Variants in NALF1 observed in about 807,000 individuals in gnomAD.
NALF1 encodes the protein NALCN channel auxiliary factor 1.
In NALF1, 3 loss-of-function variants were observed where a neutral mutation model predicts 48.4. The observed-to-expected ratio is 0.06, with a 90% CI of 0.03 to 0.16. NALF1 has a LOEUF of 0.16. NALF1 is among the 10% of genes least tolerant of loss of function. The probability of loss-of-function intolerance (pLI) is 1.00; values close to 1 mark genes in which losing one functional copy is unlikely to be tolerated. For synonymous variants in NALF1, 262 were observed against 245.7 expected (o/e 1.07, Z -0.62); for missense variants, 526 against 571.5 (o/e 0.92, Z 0.81).
At chr13:107,560,605 C>T (rs116116160) in intron 1 of NALF1, among the ~76,000 whole-genome samples, 337 of 152,150 alleles carry the variant, frequency 2.2e-3, no homozygotes, top group African/African-American at 7.6e-3. Flanking sequence ...TTCACCAAAA[C>T]TATGTCATTA....
At chr13:107,452,427 G>A (rs1380094254) in intron 1 of NALF1, among the ~76,000 whole-genome samples, 3 of 152,166 alleles carry the variant, frequency 2.0e-5, no homozygotes, top group Admixed American at 6.5e-5. Context: ...TGGCAGGAAG[G>A]AGAAGGGCCA....
At chr13:107,533,468 G>A (rs988870315) in intron 1 of NALF1, among the ~76,000 whole-genome samples, 2 of 152,082 alleles carry the variant, frequency 1.3e-5, no homozygotes, top group Non-Finnish European at 2.9e-5. Context: ...CCCTACAGAG[G>A]AGGCAGCCCT....
intron 1 of NALF1, among the ~76,000 whole-genome samples, chr13:107,707,412 C>A (rs1035753165): frequency 4.6e-5 from 7 of 152,138 alleles, no homozygotes; most frequent in Non-Finnish European, 1.0e-4. Context: ...ACTTTGGAAT[C>A]CCTTTTCATG....
At chr13:107,526,241 A>T (rs1876432985) in intron 1 of NALF1, among the ~76,000 whole-genome samples, 1 of 152,060 alleles carries the variant, frequency 6.6e-6, no homozygotes, top group Non-Finnish European at 1.5e-5. Flanking sequence ...GATAAATGGG[A>T]GTACGATCTT....
chr13:107,425,348 C>T (rs1212056502), intron 1 of NALF1, among the ~76,000 whole-genome samples: 1 of 151,960 alleles, frequency 6.6e-6, no homozygotes, highest in Non-Finnish European at 1.5e-5. Flanking sequence ...CGTGTTTTCC[C>T]AAATAGCATA....
intron 2 of NALF1, among the ~76,000 whole-genome samples, chr13:107,204,404 T>C (rs1879591934): frequency 6.6e-6 from 1 of 151,818 alleles, no homozygotes; most frequent in South Asian, 2.1e-4. Flanking sequence ...TCTTAGCCAC[T>C]TGTGGAGGTG....
chr13:107,189,629 C>A (rs932514388), intron 2 of NALF1, among the ~76,000 whole-genome samples: 7 of 152,174 alleles, frequency 4.6e-5, no homozygotes, highest in African/African-American at 1.7e-4. Context: ...GTCTTTCCTT[C>A]CTACTCTGAT....
chr13:107,739,632 T>C (rs1230492805), intron 1 of NALF1, among the ~76,000 whole-genome samples: 2 of 152,012 alleles, frequency 1.3e-5, no homozygotes, highest in Non-Finnish European at 2.9e-5. Flanking sequence ...CAAAGTATAA[T>C]AGCAATTTAT....
At chr13:107,286,187 A>G (rs1881489783) in intron 1 of NALF1, among the ~76,000 whole-genome samples, 1 of 152,164 alleles carries the variant, frequency 6.6e-6, no homozygotes, top group Non-Finnish European at 1.5e-5. Flanking sequence ...CGGCGGCTGT[A>G]AAGAAGTTTG....
At chr13:107,314,322 G>T (rs1157447811) in intron 1 of NALF1, among the ~76,000 whole-genome samples, 1 of 152,004 alleles carries the variant, frequency 6.6e-6, no homozygotes, top group African/African-American at 2.4e-5. Flanking sequence ...CTTCAAATGC[G>T]AGTTCTTCCA....
chr13:107,460,824 G>T (rs1291656864), intron 1 of NALF1, among the ~76,000 whole-genome samples: 1 of 152,076 alleles, frequency 6.6e-6, no homozygotes, highest in African/African-American at 2.4e-5. Context: ...ATTCTTTGCA[G>T]ACTATATCAA....
intron 1 of NALF1, among the ~76,000 whole-genome samples, chr13:107,663,591 C>T (rs1332721170): frequency 6.6e-6 from 1 of 152,164 alleles, no homozygotes; most frequent in Non-Finnish European, 1.5e-5. Context: ...TCTCATACCA[C>T]AGTTAAACCA....
intron 1 of NALF1, among the ~76,000 whole-genome samples, chr13:107,843,444 G>A (rs1001522783): frequency 2.0e-5 from 3 of 152,080 alleles, no homozygotes; most frequent in African/African-American, 4.8e-5. Context: ...GGACCTCCTC[G>A]AATCTCCCTT....
At chr13:107,480,315 G>A (rs1037871818) in intron 1 of NALF1, among the ~76,000 whole-genome samples, 98 of 152,276 alleles carry the variant, frequency 6.4e-4, no homozygotes, top group Middle Eastern at 3.4e-3. Flanking sequence ...AAAACATGTA[G>A]TGCCTTTCAG....
chr13:107,410,278 C>T (rs1331649100), intron 1 of NALF1, among the ~76,000 whole-genome samples: 1 of 152,114 alleles, frequency 6.6e-6, no homozygotes, highest in Non-Finnish European at 1.5e-5. Context: ...TTCCCCTGGG[C>T]TTTCAGAAGG....
At chr13:107,353,453 T>C (rs762203959) in intron 1 of NALF1, among the ~76,000 whole-genome samples, 5 of 152,234 alleles carry the variant, frequency 3.3e-5, no homozygotes, top group African/African-American at 9.6e-5. Flanking sequence ...AGAAGCCACA[T>C]TGCCACCTGG....
intron 2 of NALF1, among the ~76,000 whole-genome samples, chr13:107,178,923 T>C (rs188873831): frequency 2.0e-5 from 3 of 150,520 alleles, no homozygotes; most frequent in Non-Finnish European, 4.4e-5. Context: ...CCAGCCTGGG[T>C]CACAGAGTGA....
chr13:107,833,748 A>T (rs1879809554), intron 1 of NALF1, among the ~76,000 whole-genome samples: 1 of 152,184 alleles, frequency 6.6e-6, no homozygotes, highest in South Asian at 2.1e-4. Context: ...CCTGTTACCT[A>T]AGGCCATGAT....
rs1878680244 is a variant in NALF1 at position 107,167,264 on chromosome 13, A to G, written c.*3233T>C. ...ACGGTAGACATCCTCTACAGGAAAA[A>G]CTAAACAAGATGATGATTACAAAGG... On this transcript the variant is annotated 3_prime_UTR_variant, in exon 3 of 3. Transcript: ENST00000375915. 6.6e-6 allele frequency: 1 copy of G among 152,224 alleles called. No homozygotes were observed. Among genetic ancestry groups the G allele is most frequent in the South Asian group, 2.1e-4 (1 of 4,830 alleles). The allele number at this position is 152,224 out of a possible 1,614,324, so 9.4% of individuals were successfully genotyped here. A position where few individuals can be genotyped will look rare whatever the true frequency, so the allele number is the denominator to read the frequency against.
Sources: gnomAD v4.1 joint callset for allele counts (sites outside exome capture counted in the v4.1 genomes callset) on GRCh38, gnomAD v4.1.1 for gene constraint, MANE v1.5 for transcripts, NCBI Gene and HGNC (gene_info 2026-07-23, HGNC 2026-07-21) for gene names.